Variants in SV2C observed in about 807,000 individuals in gnomAD.
SV2C encodes synaptic vesicle glycoprotein 2C.
In SV2C, 49 loss-of-function variants were observed where a neutral mutation model predicts 79.7. The ratio of observed to expected loss-of-function variants is 0.61; its 90% CI spans 0.49 to 0.78. The LOEUF (loss-of-function observed/expected upper bound fraction) is 0.78. Among genes scored for constraint, SV2C ranks in the 30% least tolerant of loss-of-function variants. SV2C has a pLI of 0.00. For synonymous variants in SV2C, 334 were observed against 333.2 expected (o/e 1.00, Z -0.03); for missense variants, 833 against 912.9 (o/e 0.91, Z 1.13).
At chr5:75,863,691 C>T in the SV2C span, among the ~76,000 whole-genome samples, 1 of 152,160 alleles carries the variant, frequency 6.6e-6, no homozygotes, top group East Asian at 1.9e-4. Flanking sequence ...TTGGTTCTGA[C>T]TTGCTTTGTG....
the SV2C span, among the ~76,000 whole-genome samples, chr5:75,860,367 G>A: frequency 1.3e-5 from 2 of 152,124 alleles, no homozygotes; most frequent in Admixed American, 6.5e-5. Flanking sequence ...AAAACTAATA[G>A]GAATGTATCT....
At chr5:76,306,080 A>C (rs1401295502) in intron 12 of SV2C, among the ~76,000 whole-genome samples, 1 of 152,100 alleles carries the variant, frequency 6.6e-6, no homozygotes, top group Non-Finnish European at 1.5e-5. Flanking sequence ...CAGAGCTACA[A>C]TCTGTAACCA....
At chr5:76,308,484 T>C (rs1438564864) in intron 12 of SV2C, among the ~76,000 whole-genome samples, 3 of 152,228 alleles carry the variant, frequency 2.0e-5, no homozygotes, top group African/African-American at 4.8e-5. Flanking sequence ...TTTGCTGATG[T>C]AGCTGGCAGT....
chr5:75,935,473 T>C, the SV2C span, among the ~76,000 whole-genome samples: 25 of 152,288 alleles, frequency 1.6e-4, no homozygotes, highest in Admixed American at 1.2e-3. Context: ...GTGATTTTTT[T>C]ACAAATCATT....
At chr5:76,307,198 CA>C (rs970650731) in intron 12 of SV2C, among the ~76,000 whole-genome samples, 16 of 152,276 alleles carry the variant, frequency 1.1e-4, no homozygotes, top group African/African-American at 3.6e-4. Flanking sequence ...AAAATTACAA[CA>C]AATTTAGTGT....
At chr5:76,286,198 A>T (rs1405642131) in intron 6 of SV2C, among the ~76,000 whole-genome samples, 1 of 152,122 alleles carries the variant, frequency 6.6e-6, no homozygotes, top group African/African-American at 2.4e-5. Context: ...AGGTGGAAAG[A>T]CTGCATTTTC....
At chr5:76,228,552 T>A (rs2112393311) in intron 4 of SV2C, among the ~76,000 whole-genome samples, 1 of 152,244 alleles carries the variant, frequency 6.6e-6, no homozygotes, top group East Asian at 1.9e-4. Context: ...ACCGTAAGTC[T>A]GCCCTCCAGA....
chr5:75,921,063 G>A, the SV2C span: 36 of 748,190 alleles, frequency 4.8e-5, no homozygotes, highest in Admixed American at 4.7e-4. Context: ...TTGTAGTAGC[G>A]GGCAGTGTCA....
intron 4 of SV2C, among the ~76,000 whole-genome samples, chr5:76,218,006 A>T (rs1246291095): frequency 6.6e-6 from 1 of 152,196 alleles, no homozygotes; most frequent in Non-Finnish European, 1.5e-5. Flanking sequence ...TGCGGGTTAT[A>T]TGGGCAGCAC....
the SV2C span, among the ~76,000 whole-genome samples, chr5:75,855,642 C>T: frequency 3.3e-5 from 5 of 152,134 alleles, no homozygotes; most frequent in African/African-American, 9.6e-5. Flanking sequence ...GATCAGTGAT[C>T]TTTTAAAATT....
chr5:76,146,282 A>T (rs942451542), intron 2 of SV2C, among the ~76,000 whole-genome samples: 1 of 152,232 alleles, frequency 6.6e-6, no homozygotes, highest in Non-Finnish European at 1.5e-5. Context: ...ACTCCACGGT[A>T]AAAGCAAGTT....
chr5:76,285,637 A>G, intron 5 of SV2C, 144 bp from the exon 6 acceptor site: 2 of 665,600 alleles, frequency 3.0e-6, no homozygotes, highest in East Asian at 2.6e-5. Flanking sequence ...ATATCCAAAT[A>G]GTCTGTATGT....
At chr5:76,024,002 G>C in the SV2C span, among the ~76,000 whole-genome samples, 3 of 151,452 alleles carry the variant, frequency 2.0e-5, no homozygotes, top group Non-Finnish European at 4.4e-5. Context: ...TATCCCCTGG[G>C]GTAGGGGAAA....
At chr5:76,291,656 A>G (rs1462642577) in intron 7 of SV2C, 112 bp from the exon 8 acceptor site, 2 of 720,748 alleles carry the variant, frequency 2.8e-6, no homozygotes, top group African/African-American at 3.6e-5. Flanking sequence ...TTAAGGTGAA[A>G]TGAATCCAAC....
the SV2C span, among the ~76,000 whole-genome samples, chr5:76,069,817 TTCTCTC>T: frequency 6.8e-6 from 1 of 147,982 alleles, no homozygotes; most frequent in South Asian, 2.2e-4. Flanking sequence ...CAACCCCCGT[TTCTCTC>T]TCTCTCTCTC....
chr5:76,143,131 T>C lies in SV2C; in HGVS notation c.580+10801T>C, dbSNP rs540972025. On this transcript the variant is annotated intron_variant, in intron 2 of 12. Coordinates refer to ENST00000502798, the MANE Select transcript of SV2C (RefSeq NM_014979.4). ...GGATGGTCTCGATATCCTGACCTCA[T>C]GATCCACCTGCCTTGGCCTCCCAAA... 7.9e-5 allele frequency among the ~76,000 whole-genome samples: 12 copies of C among 152,210 alleles called. No homozygotes were observed. The East Asian group carries it at 2.3e-3, about 29-fold the overall frequency.
chr5:75,910,654 G>C, the SV2C span: 1 of 1,033,996 alleles, frequency 9.7e-7, no homozygotes, highest in Non-Finnish European at 1.5e-6. Flanking sequence ...ATGCAGTGCA[G>C]AATGCCAAGA....
At position 76,086,134 on chromosome 5, in the gene SV2C, C is replaced by T. The variant is rs115572904; in HGVS notation, c.-102+2622C>T. On this transcript the variant is annotated intron_variant, in intron 1 of 12. Coordinates refer to ENST00000502798, the MANE Select transcript of SV2C (RefSeq NM_014979.4). ...TGATCTGAGCAGCAGACTGGCCTAA[C>T]AGCTTGTAGTAAAACTCCTATTCAT... is the stretch of plus-strand genomic sequence containing the variant. 9.6e-3 allele frequency among the ~76,000 whole-genome samples: 1,465 copies of T among 152,314 alleles called. 16 individuals are homozygous for T. Among genetic ancestry groups the T allele is most frequent in the Non-Finnish European group, 0.015 (1,054 of 68,034 alleles).
chr5:75,971,711 G>A, the SV2C span, among the ~76,000 whole-genome samples: 4 of 152,140 alleles, frequency 2.6e-5, no homozygotes, highest in African/African-American at 7.3e-5. Context: ...CCAAGCTCAT[G>A]GGTAGGAAGA....
Sources: gnomAD v4.1 joint callset for allele counts (sites outside exome capture counted in the v4.1 genomes callset) on GRCh38, gnomAD v4.1.1 for gene constraint, MANE v1.5 for transcripts, NCBI Gene and HGNC (gene_info 2026-07-23, HGNC 2026-07-21) for gene names.